ANKRD24: variants seen among roughly 807,000 people sequenced by gnomAD.
The protein encoded by ANKRD24 is ankyrin repeat domain-containing protein 24.
Under a neutral mutation model 127.8 loss-of-function variants are expected in ANKRD24, and 109 were observed. That is an observed-to-expected ratio of 0.85 (90% CI 0.73 to 1.00). The LOEUF (loss-of-function observed/expected upper bound fraction) is 1.00, where lower values mean the gene tolerates loss of function less well. ANKRD24 is among the 50% of genes least tolerant of loss of function. The pLI is 0.00. For synonymous variants in ANKRD24, 743 were observed against 671.1 expected (o/e 1.11, Z -1.66); for missense variants, 1,648 against 1,570.2 (o/e 1.05, Z -0.84).
chr19:4,216,164 G>A (rs1197621527), intron 16 of ANKRD24, 114 bp downstream of exon 16: 8 of 1,393,006 alleles, frequency 5.7e-6, no homozygotes, highest in South Asian at 1.3e-5. Flanking sequence ...GTACTCATCC[G>A]TTTTTTAAAT....
intron 2 of ANKRD24, among the ~76,000 whole-genome samples, chr19:4,192,792 G>A (rs532542333): frequency 6.6e-6 from 1 of 151,376 alleles, no homozygotes; most frequent in African/African-American, 2.4e-5. Flanking sequence ...AATTAGTTGG[G>A]TATGGTGGTG....
At chr19:4,203,132 C>T (rs1235370314) in intron 7 of ANKRD24, among the ~76,000 whole-genome samples, 2 of 151,230 alleles carry the variant, frequency 1.3e-5, no homozygotes, top group African/African-American at 4.9e-5. Context: ...ACTGTAACAT[C>T]CATCTCCCAG....
chr19:4,223,399 ATATTTTTT>A (rs1459355717), intron 20 of ANKRD24, among the ~76,000 whole-genome samples: 279 of 56,336 alleles, frequency 5.0e-3, no homozygotes, highest in African/African-American at 0.021. Context: ...ATATATATAT[ATATTTTTT>A]TTTTTTTTTT....
rs1970189083 is a variant in ANKRD24 at position 4,217,662 on chromosome 19, C to T, written c.2502C>T (p.Ala834=). The change falls in exon 18 of 22, where the codon GCC becomes GCT. Residue 834 remains alanine (A), a synonymous_variant. Transcript: ENST00000318934. ...LAEEEARGLR[A]ELAQREEARL... The stretch of plus-strand genomic sequence containing the variant: ...AGGAGGAGGCGCGGGGCCTGCGGGC[C>T]GAGCTGGCCCAGCGGGAGGAGGCGC... The T allele has an allele frequency of 1.6e-6, 2 of 1,282,662 alleles. No homozygotes were observed. Among genetic ancestry groups the T allele is most frequent in the Non-Finnish European group, 2.0e-6 (2 of 1,018,224 alleles). 79.5% of individuals were successfully genotyped at this position (1,282,662 alleles called of 1,614,324 possible). A position where few individuals can be genotyped will look rare whatever the true frequency, so the allele number is the denominator to read the frequency against.
At chr19:4,183,830 C>G (rs941652478) in intron 1 of ANKRD24, among the ~76,000 whole-genome samples, 2 of 152,132 alleles carry the variant, frequency 1.3e-5, no homozygotes, top group African/African-American at 4.8e-5. Flanking sequence ...TTGCTTGAAC[C>G]CAGGAGGCGG....
intron 7 of ANKRD24, among the ~76,000 whole-genome samples, chr19:4,206,648 A>G (rs1401694492): frequency 1.3e-5 from 2 of 152,020 alleles, no homozygotes; most frequent in African/African-American, 4.8e-5. Flanking sequence ...ATAGGGAACC[A>G]CAGTGCTTGG....
chr19:4,208,704 A>G, intron 10 of ANKRD24, 60 bp from the exon 11 acceptor site: 2 of 1,557,786 alleles, frequency 1.3e-6, no homozygotes, highest in Non-Finnish European at 1.8e-6. Flanking sequence ...CCTGGGGCCC[A>G]CCAATGCCCT....
chr19:4,194,057 C>T (rs1255839275), intron 2 of ANKRD24, among the ~76,000 whole-genome samples: 1 of 115,318 alleles, frequency 8.7e-6, no homozygotes, highest in African/African-American at 2.6e-5. Flanking sequence ...TGACTGTCTA[C>T]ACTTTTTTCT....
chr19:4,182,917 C>A (rs561852058), intron 1 of ANKRD24, among the ~76,000 whole-genome samples, 177 bp downstream of exon 1: 1 of 151,278 alleles, frequency 6.6e-6, no homozygotes, highest in South Asian at 2.1e-4. Flanking sequence ...AGCAGGGACC[C>A]CAGCCTAAGG....
chr19:4,218,802 C>T (rs1319199611), intron 18 of ANKRD24, among the ~76,000 whole-genome samples: 2 of 141,654 alleles, frequency 1.4e-5, no homozygotes. Flanking sequence ...AAAAGTCACC[C>T]AGTCACCCAG....
At position 4,217,719 on chromosome 19, in the gene ANKRD24, G is replaced by C. The variant is rs563288914; in HGVS notation, c.2559G>C (p.Leu853=). The part of the protein sequence containing the change: ...RLEQSRELEV[L]REQLATARAT... The stretch of plus-strand genomic sequence containing the variant: ...AGCAGAGCCGGGAGCTGGAGGTTCT[G>C]CGGGAGCAGCTGGCCACGGCCAGGG... Residue 853 remains leucine (L), a synonymous_variant, in exon 18 of 22, where the codon CTG becomes CTC. Transcript: ENST00000318934. The C allele has an allele frequency of 4.9e-4, 636 of 1,293,412 alleles. 3 individuals are homozygous for C. In the African/African-American group the frequency reaches 9.2e-3, roughly 19 times the overall value. 80.1% of individuals were successfully genotyped at this position (1,293,412 alleles called of 1,614,324 possible).
chr19:4,206,500 C>T (rs940163825), intron 7 of ANKRD24, among the ~76,000 whole-genome samples: 8 of 151,818 alleles, frequency 5.3e-5, no homozygotes, highest in Admixed American at 2.6e-4. Context: ...TAGCCAGGCA[C>T]GGTTGCACAT....
intron 7 of ANKRD24, among the ~76,000 whole-genome samples, 164 bp downstream of exon 7, chr19:4,203,090 C>T (rs1254814606): frequency 6.6e-6 from 1 of 152,012 alleles, no homozygotes; most frequent in East Asian, 1.9e-4. Context: ...CTCTGTTGCC[C>T]AGGCTGGAGT....
intron 20 of ANKRD24, 60 bp from the exon 21 acceptor site, chr19:4,224,067 T>G (rs1970607368): frequency 7.0e-7 from 1 of 1,434,964 alleles, no homozygotes; most frequent in South Asian, 1.2e-5. Flanking sequence ...CTTTTTGGTG[T>G]GTTTTGCTCA....
intron 19 of ANKRD24, among the ~76,000 whole-genome samples, chr19:4,221,787 C>G (rs1568347556): frequency 6.6e-6 from 1 of 152,156 alleles, no homozygotes; most frequent in Non-Finnish European, 1.5e-5. Context: ...TATCTGTAGC[C>G]TGGTTTCTTC....
At chr19:4,201,557 G>C (rs1969095676) in intron 5 of ANKRD24, among the ~76,000 whole-genome samples, 1 of 152,074 alleles carries the variant, frequency 6.6e-6, no homozygotes, top group South Asian at 2.1e-4. Flanking sequence ...GGCTTAGAGA[G>C]TCTCTGGGTA....
intron 2 of ANKRD24, among the ~76,000 whole-genome samples, chr19:4,192,467 TC>T (rs1405924622): frequency 3.3e-5 from 5 of 150,280 alleles, no homozygotes; most frequent in Admixed American, 3.3e-4. Context: ...CGCCTTAGCC[TC>T]CCAAAGTGCT....
In ANKRD24 at chr19:4,215,851, TG is replaced by T; in HGVS notation, c.1198-126del. The T allele has an allele frequency of 8.7e-6, 6 of 690,352 alleles. No homozygotes were observed. The South Asian group carries it at 1.2e-4, about 13-fold the overall frequency. The allele number at this position is 690,352 out of a possible 1,614,324, so 42.8% of individuals were successfully genotyped here. On this transcript the variant is annotated intron_variant, in intron 15 of 21. Transcript: ENST00000318934. ...GCTCACTAAATCCTTGTGGGCCAAATGCAGCCATCTGGTGCTCGTGGGAGAC... is the reference window on the plus strand; with the variant it reads ...GCTCACTAAATCCTTGTGGGCCAAATCAGCCATCTGGTGCTCGTGGGAGAC...
At position 4,212,573 on chromosome 19, in the gene ANKRD24, C is replaced by A. The variant is rs549038952; in HGVS notation, c.1099-27C>A. On this transcript the variant is annotated intron_variant, in intron 14 of 21. Transcript: ENST00000318934. ...GCTGCCCAGCCTTTCCTCCCAGAGG[C>A]AGCTGAGCCTCCACTGCTGCTCCCA... The A allele has an allele frequency of 1.4e-5, 22 of 1,548,666 alleles. No individual in the cohort carries two copies. In the Admixed American group the frequency reaches 3.4e-4, roughly 24 times the overall value.
Sources: gnomAD v4.1 joint callset for allele counts (sites outside exome capture counted in the v4.1 genomes callset) on GRCh38, gnomAD v4.1.1 for gene constraint, MANE v1.5 for transcripts, NCBI Gene and HGNC (gene_info 2026-07-23, HGNC 2026-07-21) for gene names.